The following BMPR1A variants were observed in gnomAD, a reference collection of about 807,000 sequenced individuals.
BMPR1A encodes the protein bone morphogenetic protein receptor type 1A.
In BMPR1A, 7 loss-of-function variants were observed where a neutral mutation model predicts 66.0. That is an observed-to-expected ratio of 0.11 (90% confidence interval 0.06 to 0.20). The LOEUF is 0.20. BMPR1A is among the 10% of genes least tolerant of loss of function. The probability of loss-of-function intolerance (pLI) is 1.00; values close to 1 mark genes in which losing one functional copy is unlikely to be tolerated. For missense variants in BMPR1A, 408 were observed against 669.1 expected (o/e 0.61, Z 4.31); for synonymous variants, 200 against 229.7 (o/e 0.87, Z 1.17).
intron 3 of BMPR1A, among the ~76,000 whole-genome samples, chr10:86,883,633 T>C (rs1843025085): frequency 7.0e-6 from 1 of 142,630 alleles, no homozygotes; most frequent in South Asian, 2.3e-4. Flanking sequence ...TAGCCGGGCG[T>C]GGTGGCAGGC....
chr10:86,855,328 A>G, intron 2 of BMPR1A: 1 of 932,438 alleles, frequency 1.1e-6, no homozygotes, highest in Non-Finnish European at 1.5e-6. Flanking sequence ...AACTTTAAGT[A>G]AGTTTCTATT....
intron 1 of BMPR1A, among the ~76,000 whole-genome samples, chr10:86,788,562 C>T (rs1564684683): frequency 6.6e-6 from 1 of 152,156 alleles, no homozygotes; most frequent in Non-Finnish European, 1.5e-5. Context: ...TTAAATGTCT[C>T]TTTTTTGAAG....
At chr10:86,758,411 G>A (rs1235177103) in intron 1 of BMPR1A, among the ~76,000 whole-genome samples, 1 of 149,848 alleles carries the variant, frequency 6.7e-6, no homozygotes, top group Non-Finnish European at 1.5e-5. Context: ...AACACCTTGG[G>A]GTTTTTTTCC....
Position 86,925,365 on chromosome 10 carries a change from G to A in BMPR1A, c.*1646G>A. ...TCATCAAAAAGGTTTAAATTAAATG[G>A]GAGGAAATCAGCATATGTCCACCCA... On this transcript the variant is annotated 3_prime_UTR_variant, in exon 13 of 13. Transcript: ENST00000372037. 4.5e-6 allele frequency: 1 copy of A among 220,022 alleles called. No homozygotes were observed. Among genetic ancestry groups the A allele is most frequent in the Non-Finnish European group, 9.1e-6 (1 of 110,032 alleles). The allele number at this position is 220,022 out of a possible 1,614,324, so 13.6% of individuals were successfully genotyped here.
chr10:86,860,872 C>T (rs1331232855), intron 2 of BMPR1A, among the ~76,000 whole-genome samples: 3 of 144,246 alleles, frequency 2.1e-5, no homozygotes, highest in Non-Finnish European at 4.5e-5. Context: ...GGCGGAGTCT[C>T]GCTCTGCCGC....
intron 2 of BMPR1A, chr10:86,855,265 C>G (rs1009129313): frequency 3.6e-6 from 4 of 1,097,266 alleles, no homozygotes; most frequent in Non-Finnish European, 4.9e-6. Flanking sequence ...TAATTCTGGC[C>G]ATACAAAAAC....
chr10:86,791,011 C>G (rs1453238436), intron 1 of BMPR1A, among the ~76,000 whole-genome samples: 1 of 152,136 alleles, frequency 6.6e-6, no homozygotes, highest in African/African-American at 2.4e-5. Context: ...TTTTCCACTT[C>G]TAACAAAATT....
In BMPR1A at chr10:86,925,719, A is replaced by ATTTTTTTTTTTTT. The variant is rs1163006358; in HGVS notation, c.*2001_*2002insTTTTTTTTTTTTT. ...ACCATAATCTTTAAAATCATTTGTC[A>ATTTTTTTTTTTTT]TCTTTTTTTTTTTTTTTTTGAGACG... On this transcript the variant is annotated 3_prime_UTR_variant, in exon 13 of 13. Coordinates refer to ENST00000372037, the MANE Select transcript of BMPR1A (RefSeq NM_004329.3). 7 of 123,436 alleles carry ATTTTTTTTTTTTT rather than the reference A, an allele frequency of 5.7e-5. No homozygotes were observed. Among genetic ancestry groups the ATTTTTTTTTTTTT allele is most frequent in the African/African-American group, 3.1e-4 (6 of 19,216 alleles). The allele number at this position is 123,436 out of a possible 1,614,324, so 7.6% of individuals were successfully genotyped here. A position where few individuals can be genotyped will look rare whatever the true frequency, so the allele number is the denominator to read the frequency against.
At chr10:86,758,367 ATTT>A (rs200528013) in intron 1 of BMPR1A, among the ~76,000 whole-genome samples, 157 of 141,040 alleles carry the variant, frequency 1.1e-3, no homozygotes, top group East Asian at 1.4e-3. Flanking sequence ...AAGAGGGAGA[ATTT>A]TTTTTTTTTT....
chr10:86,870,245 G>A (rs567191702), intron 2 of BMPR1A, among the ~76,000 whole-genome samples: 20 of 152,192 alleles, frequency 1.3e-4, no homozygotes, highest in Admixed American at 2.6e-4. Context: ...CCAAATGCCC[G>A]TTAGACATTC....
chr10:86,784,243 T>G (rs1488675411), intron 1 of BMPR1A, among the ~76,000 whole-genome samples: 5 of 152,204 alleles, frequency 3.3e-5, no homozygotes, highest in Non-Finnish European at 5.9e-5. Flanking sequence ...TTTTTATGTA[T>G]GGTCTTTATT....
intron 1 of BMPR1A, among the ~76,000 whole-genome samples, chr10:86,827,820 G>A (rs1842215407): frequency 6.6e-6 from 1 of 152,078 alleles, no homozygotes; most frequent in South Asian, 2.1e-4. Flanking sequence ...ACTCATTCAG[G>A]TATGTCATCT....
At chr10:86,906,878 C>A (rs1843402190) in intron 7 of BMPR1A, among the ~76,000 whole-genome samples, 1 of 150,396 alleles carries the variant, frequency 6.6e-6, no homozygotes, top group Admixed American at 6.7e-5. Context: ...CTTGTTTTTT[C>A]TCTTTGTATT....
chr10:86,828,910 A>T (rs541637097), intron 1 of BMPR1A, among the ~76,000 whole-genome samples: 8 of 152,352 alleles, frequency 5.3e-5, no homozygotes, highest in African/African-American at 1.7e-4. Context: ...AACAAGAATG[A>T]GAATGTGCAA....
At chr10:86,796,822 G>A (rs542594086) in intron 1 of BMPR1A, among the ~76,000 whole-genome samples, 10 of 151,974 alleles carry the variant, frequency 6.6e-5, no homozygotes, top group African/African-American at 1.7e-4. Context: ...TATTGTCCCA[G>A]TGAGCTTTTT....
intron 1 of BMPR1A, among the ~76,000 whole-genome samples, chr10:86,765,542 G>T (rs1841149259): frequency 6.6e-6 from 1 of 151,226 alleles, no homozygotes; most frequent in African/African-American, 2.4e-5. Context: ...CCTCCTCAGT[G>T]GTCCAAGCCT....
At chr10:86,888,011 A>G (rs1187978403) in intron 3 of BMPR1A, among the ~76,000 whole-genome samples, 1 of 152,184 alleles carries the variant, frequency 6.6e-6, no homozygotes, top group Non-Finnish European at 1.5e-5. Context: ...TGTTTCTAAC[A>G]TAAAGGAGGT....
At chr10:86,773,166 T>C (rs1206016009) in intron 1 of BMPR1A, among the ~76,000 whole-genome samples, 1 of 148,968 alleles carries the variant, frequency 6.7e-6, no homozygotes, top group Non-Finnish European at 1.5e-5. Context: ...TTCCTTTCCT[T>C]CTCAGCTTTT....
At chr10:86,796,204 T>G (rs952378754) in intron 1 of BMPR1A, among the ~76,000 whole-genome samples, 1 of 152,142 alleles carries the variant, frequency 6.6e-6, no homozygotes, top group Non-Finnish European at 1.5e-5. Flanking sequence ...TTTTTAAGCC[T>G]TTAAGGAATT....
Sources: allele counts gnomAD v4.1 joint callset (sites outside exome capture counted in the v4.1 genomes callset), GRCh38; gene constraint gnomAD v4.1.1; transcripts MANE v1.5; gene names NCBI Gene and HGNC (gene_info 2026-07-23, HGNC 2026-07-21).